The following MYH13 variants were observed in gnomAD, a reference collection of about 807,000 sequenced individuals.
The protein encoded by MYH13 is myosin-13.
Under a neutral mutation model 232.1 loss-of-function variants are expected in MYH13, and 177 were observed. The ratio of observed to expected loss-of-function variants is 0.76; its 90% CI spans 0.67 to 0.86. MYH13 has a LOEUF of 0.86. Among genes scored for constraint, MYH13 ranks in the 40% least tolerant of loss-of-function variants. The pLI is 0.00. For missense variants in MYH13, 2,246 were observed against 2,405.9 expected (o/e 0.93, Z 1.39); for synonymous variants, 884 against 923.5 (o/e 0.96, Z 0.78).
chr17:10,327,700 G>A (rs1035028656), intron 22 of MYH13, among the ~76,000 whole-genome samples, 166 bp downstream of exon 22: 3 of 152,022 alleles, frequency 2.0e-5, no homozygotes, highest in East Asian at 1.9e-4. Context: ...TGCTAAGCCC[G>A]GGACCAGGCA....
rs1166218574 is a variant in MYH13 at position 10,350,611 on chromosome 17, G to T, written c.1089C>A (p.Asn363Lys). Residue 363 changes from asparagine to lysine, a missense_variant, in exon 12 of 41, where the codon AAC (asparagine) becomes AAA (lysine). By Grantham distance (94) the Asn-to-Lys change is moderately conservative (BLOSUM62 0). Transcript: ENST00000252172. Reference sequence around the variant, plus strand: ...CACGCTGCTTCTGCTTGAACTTCATGTTCCCATAATGCATCACGGCTCCCG... The same window carrying T: ...CACGCTGCTTCTGCTTGAACTTCATTTTCCCATAATGCATCACGGCTCCCG... Reference protein sequence around the residue: ...KLTGAVMHYGNMKFKQKQREE... With the variant: ...KLTGAVMHYGKMKFKQKQREE... 1 of 1,613,704 alleles carries T rather than the reference G, an allele frequency of 6.2e-7. No individual in the cohort carries two copies. The highest frequency in any genetic ancestry group is 1.1e-5 in the South Asian group (1 of 91,060).
At chr17:10,328,403 C>T (rs774613390) in intron 21 of MYH13, among the ~76,000 whole-genome samples, 6 of 152,214 alleles carry the variant, frequency 3.9e-5, no homozygotes, top group Non-Finnish European at 8.8e-5. Flanking sequence ...AGTGCCCTGC[C>T]TGAGGGCGTC....
chr17:10,322,061 A>G (rs1258332171), intron 23 of MYH13, among the ~76,000 whole-genome samples: 1 of 152,214 alleles, frequency 6.6e-6, no homozygotes, highest in East Asian at 1.9e-4. Flanking sequence ...AGGGTTTAGA[A>G]TGAGGCAGGA....
chr17:10,301,015 G>C, intron 40 of MYH13, 50 bp from the exon 41 acceptor site: 1 of 1,517,704 alleles, frequency 6.6e-7, no homozygotes, highest in Non-Finnish European at 9.1e-7. Flanking sequence ...AACTAAATGG[G>C]AGACTGAACA....
At chr17:10,301,892 C>T (rs188132313) in intron 39 of MYH13, among the ~76,000 whole-genome samples, 189 bp from the exon 40 acceptor site, 2 of 152,320 alleles carry the variant, frequency 1.3e-5, no homozygotes, top group African/African-American at 2.4e-5. Context: ...TGTACTGCCT[C>T]GGATCACCTT....
In MYH13 at chr17:10,309,645, G is replaced by C; in HGVS notation, c.4842C>G (p.Asp1614Glu). The C allele has an allele frequency of 1.2e-6, 2 of 1,611,984 alleles. No individual in the cohort carries two copies. Among genetic ancestry groups the C allele is most frequent in the Non-Finnish European group, 1.7e-6 (2 of 1,179,090 alleles). The change falls in exon 34 of 41, where the codon GAC (aspartate) becomes GAG (glutamate). Residue 1614 changes from aspartate (D) to glutamate (E), a missense_variant. Asp to Glu is a conservative substitution (Grantham distance 45, BLOSUM62 2). Coordinates refer to ENST00000252172, the MANE Select transcript of MYH13 (RefSeq NM_003802.3). ...CCATCTTCTTCTTTAGCCTCAGGGC[G>C]TCGTTCCGGCTGCGGATTTCAGCAT... ...VLDAEIRSRN[D>E]ALRLKKKMEG...
intron 18 of MYH13, among the ~76,000 whole-genome samples, chr17:10,333,804 A>T (rs1186564083): frequency 9.2e-5 from 14 of 151,986 alleles, no homozygotes; most frequent in Non-Finnish European, 1.5e-5. Flanking sequence ...GCTACTTGGG[A>T]GGCTGAGGCA....
At chr17:10,305,310 G>T (rs1366934806) in intron 37 of MYH13, among the ~76,000 whole-genome samples, 1 of 152,182 alleles carries the variant, frequency 6.6e-6, no homozygotes, top group South Asian at 2.1e-4. Flanking sequence ...TCCATGAGAA[G>T]AACAGGCCTA....
At chr17:10,331,159 A>G (rs1567664038) in intron 20 of MYH13, among the ~76,000 whole-genome samples, 1 of 152,148 alleles carries the variant, frequency 6.6e-6, no homozygotes, top group African/African-American at 2.4e-5. Context: ...ATGGGACGCA[A>G]TTGTGCCCAG....
chr17:10,342,113 A>T (rs2071623381), intron 16 of MYH13, among the ~76,000 whole-genome samples: 1 of 152,138 alleles, frequency 6.6e-6, no homozygotes, highest in African/African-American at 2.4e-5. Flanking sequence ...TGGCCCAATC[A>T]TGGCTCGCTG....
intron 2 of MYH13, among the ~76,000 whole-genome samples, chr17:10,366,417 G>C (rs2071838651): frequency 8.6e-6 from 1 of 116,428 alleles, no homozygotes; most frequent in Admixed American, 1.0e-4. Context: ...GTCTTGCTCT[G>C]TCTCCCAGGC....
intron 20 of MYH13, among the ~76,000 whole-genome samples, 199 bp downstream of exon 20, chr17:10,331,900 C>T (rs1161339583): frequency 6.6e-6 from 1 of 152,104 alleles, no homozygotes; most frequent in African/African-American, 2.4e-5. Context: ...CTCAGGCTTC[C>T]AATCTAAGCT....
Position 10,372,155 on chromosome 17 carries a change from A to G in MYH13, c.-64+824T>C, listed in dbSNP as rs569224437. Among the ~76,000 whole-genome samples, 4 of 152,302 alleles carry G rather than the reference A, an allele frequency of 2.6e-5. No individual in the cohort carries two copies. In the East Asian group the frequency reaches 7.7e-4, roughly 29 times the overall value. On this transcript the variant is annotated intron_variant, in intron 1 of 40. Coordinates refer to ENST00000252172, the MANE Select transcript of MYH13 (RefSeq NM_003802.3). ...CCAGTTATATCCTAAAATTCTCACA[A>G]TTTCTTAAAAAATTAAAGTATTACA...
In MYH13 at chr17:10,319,089, G is replaced by C. The variant is rs1202137220; in HGVS notation, c.3439C>G (p.Leu1147Val). 1 of 1,614,130 alleles carries C rather than the reference G, an allele frequency of 6.2e-7. No homozygotes were observed. Among genetic ancestry groups the C allele is most frequent in the South Asian group, 1.1e-5 (1 of 91,086 alleles). Residue 1147 changes from leucine to valine, a missense_variant, in exon 27 of 41, where the codon CTG (leucine) becomes GTG (valine). Physicochemically the swap from Leu to Val is conservative, Grantham distance 32. Transcript: ENST00000252172. The stretch of plus-strand genomic sequence containing the variant: ...TCCAGCCTCTCGCTGATCTCCTCCA[G>C]TTCCCTGGCCAGATCTGAGCGCTGC... ...EKQRSDLARE[L>V]EEISERLEEA...
chr17:10,307,422 A>G (rs1906331266), intron 35 of MYH13, among the ~76,000 whole-genome samples: 1 of 152,254 alleles, frequency 6.6e-6, no homozygotes, highest in Admixed American at 6.5e-5. Flanking sequence ...CATAAATAGA[A>G]TTGTAAGGGG....
chr17:10,330,881 G>A (rs554955912), intron 20 of MYH13, among the ~76,000 whole-genome samples: 2 of 152,048 alleles, frequency 1.3e-5, no homozygotes, highest in Non-Finnish European at 2.9e-5. Context: ...TCCGGGCGTG[G>A]TGGTGGGGAC....
intron 2 of MYH13, 62 bp downstream of exon 2, chr17:10,371,147 G>A (rs2071874893): frequency 6.6e-6 from 1 of 152,162 alleles, no homozygotes; most frequent in Admixed American, 6.5e-5. Flanking sequence ...ATGAGAACGT[G>A]TAAAATGATG....
intron 18 of MYH13, among the ~76,000 whole-genome samples, chr17:10,335,647 C>T (rs1285049215): frequency 1.3e-5 from 2 of 151,732 alleles, no homozygotes; most frequent in Non-Finnish European, 2.9e-5. Flanking sequence ...CCCAGTTACT[C>T]GGGAGGCTGA....
At position 10,333,315 on chromosome 17, in the gene MYH13, A is replaced by G. The variant is rs1425301001; in HGVS notation, c.2057-124T>C. The G allele has an allele frequency of 8.5e-6, 6 of 707,366 alleles. No homozygotes were observed. The East Asian group carries it at 1.4e-4, about 16-fold the overall frequency. 43.8% of individuals were successfully genotyped at this position (707,366 alleles called of 1,614,324 possible). On this transcript the variant is annotated intron_variant, in intron 18 of 40. Coordinates refer to ENST00000252172, the MANE Select transcript of MYH13 (RefSeq NM_003802.3). The stretch of plus-strand genomic sequence containing the variant: ...GGGAGAGTCAGTGAGTGGGAGAGTC[A>G]GTGCCAGCTCCAAGGTAGAGGGCTG...
Sources: allele counts gnomAD v4.1 joint callset (sites outside exome capture counted in the v4.1 genomes callset), GRCh38; gene constraint gnomAD v4.1.1; transcripts MANE v1.5; gene names NCBI Gene and HGNC (gene_info 2026-07-23, HGNC 2026-07-21).